The following FKBP9 variants were observed in gnomAD, a reference collection of about 807,000 sequenced individuals.
FKBP9 encodes FKBP prolyl isomerase 9.
A neutral mutation model predicts 55.6 loss-of-function variants in FKBP9; 27 were observed. The observed-to-expected ratio is 0.49, with a 90% CI of 0.36 to 0.67. The LOEUF (loss-of-function observed/expected upper bound fraction) is 0.67. Among genes scored for constraint, FKBP9 ranks in the 30% least tolerant of loss-of-function variants. The pLI is 0.00. For missense variants in FKBP9, 539 were observed against 742.8 expected, an observed-to-expected ratio of 0.73 and a Z score of 3.19; for synonymous variants, 267 against 296.5, an observed-to-expected ratio of 0.90 and a Z score of 1.02.
intron 1 of FKBP9, among the ~76,000 whole-genome samples, chr7:32,964,295 G>A (rs906637173): frequency 3.3e-5 from 5 of 152,142 alleles, no homozygotes; most frequent in African/African-American, 9.7e-5. Flanking sequence ...GTCATTGCGA[G>A]CAATTACACA....
At chr7:32,975,784 C>T (rs901776279) in intron 3 of FKBP9, among the ~76,000 whole-genome samples, 1 of 151,938 alleles carries the variant, frequency 6.6e-6, no homozygotes, top group Non-Finnish European at 1.5e-5. Flanking sequence ...GTAGCTGGGA[C>T]TACAGGCGCA....
chr7:32,982,984 A>ATGTGTC (rs1554286047), intron 5 of FKBP9, among the ~76,000 whole-genome samples: 1 of 142,138 alleles, frequency 7.0e-6, no homozygotes, highest in Non-Finnish European at 1.5e-5. Flanking sequence ...GTCAAAGGTT[A>ATGTGTC]TGTGTGTGTG....
chr7:32,990,406 C>G (rs1784657669), intron 6 of FKBP9, among the ~76,000 whole-genome samples: 1 of 152,154 alleles, frequency 6.6e-6, no homozygotes, highest in Non-Finnish European at 1.5e-5. Context: ...CTAACAATAC[C>G]TTGAATTTAT....
chr7:32,977,870 C>CATATATATATATATATATAT (rs748298046), intron 4 of FKBP9, among the ~76,000 whole-genome samples: 10 of 124,638 alleles, frequency 8.0e-5, no homozygotes, highest in African/African-American at 2.8e-4. Context: ...TATACATGCC[C>CATATATATATATATATATAT]ATATATATAT....
rs775240947 is a variant in FKBP9 at position 33,000,241 on chromosome 7, C to T, written c.1353C>T (p.Gly451=). The stretch of plus-strand genomic sequence containing the variant: ...CAGTGATCATTCCGCCTCACCTGGG[C>T]TATGGGGAAGCTGGCGTGGGTGAGT... The part of the protein sequence containing the change: ...KRTVIIPPHL[G]YGEAGVDGEV... The change falls in exon 8 of 10, where the codon GGC becomes GGT. Residue 451 remains glycine (G), a synonymous_variant. Coordinates refer to ENST00000242209, the MANE Select transcript of FKBP9 (RefSeq NM_007270.5). 4 of 1,611,428 alleles carry T rather than the reference C, an allele frequency of 2.5e-6. No individual in the cohort carries two copies. The highest frequency in any genetic ancestry group is 3.4e-6 in the Non-Finnish European group (4 of 1,178,182).
intron 7 of FKBP9, 110 bp from the exon 8 acceptor site, chr7:33,000,005 T>A: frequency 1.6e-6 from 2 of 1,262,050 alleles, no homozygotes; most frequent in Non-Finnish European, 2.3e-6. Context: ...AGATAGGGAT[T>A]TGCATTTCTT....
chr7:32,980,590 T>G (rs1397547548), intron 5 of FKBP9, 37 bp downstream of exon 5: 1 of 1,603,184 alleles, frequency 6.2e-7, no homozygotes, highest in East Asian at 2.2e-5. Context: ...TGCCAGAACA[T>G]TGTATTAAAT....
At chr7:32,958,774 A>G (rs1783956250) in intron 1 of FKBP9, among the ~76,000 whole-genome samples, 1 of 152,220 alleles carries the variant, frequency 6.6e-6, no homozygotes, top group South Asian at 2.1e-4. Context: ...GCTCTGCCTC[A>G]GGATCACAGC....
chr7:32,993,275 A>G (rs1271005115), intron 6 of FKBP9, among the ~76,000 whole-genome samples: 3 of 152,210 alleles, frequency 2.0e-5, no homozygotes, highest in Non-Finnish European at 4.4e-5. Context: ...GGCATCAAAT[A>G]TATTCACAAT....
chr7:32,999,036 G>C (rs1485034428), intron 7 of FKBP9, among the ~76,000 whole-genome samples: 2 of 152,204 alleles, frequency 1.3e-5, no homozygotes, highest in African/African-American at 4.8e-5. Flanking sequence ...ATAAGACTTT[G>C]CAACTGGAGT....
rs1340320276 is a variant in FKBP9, at chr7:32,979,615, T to C, written c.704-749T>C. On this transcript the variant is annotated intron_variant, in intron 4 of 9. Transcript: ENST00000242209. ...CTGAGGGATTGGTTTGTTGGTTAAC[T>C]TTCTACTATCCCAAATTACTGGATT... 17 of 1,430,544 alleles carry C rather than the reference T, an allele frequency of 1.2e-5. No individual in the cohort carries two copies. In the East Asian group the frequency reaches 3.7e-4, roughly 31 times the overall value. The allele number at this position is 1,430,544 out of a possible 1,614,324, so 88.6% of individuals were successfully genotyped here. A position where few individuals can be genotyped will look rare whatever the true frequency, so the allele number is the denominator to read the frequency against.
At chr7:32,980,154 A>G (rs1784447091) in intron 4 of FKBP9, among the ~76,000 whole-genome samples, 2 of 151,672 alleles carry the variant, frequency 1.3e-5, no homozygotes, top group Admixed American at 6.6e-5. Flanking sequence ...CATTAATACC[A>G]ATTTTCTCCT....
At position 33,000,352 on chromosome 7, in the gene FKBP9, G is replaced by A; in HGVS notation, c.1372+92G>A. The stretch of plus-strand genomic sequence containing the variant: ...GGTGCCATAGTTAGAATCACAGCAT[G>A]CTTCTTACATGTAATACCCAAAGAG... On this transcript the variant is annotated intron_variant, in intron 8 of 9. Coordinates refer to ENST00000242209, the MANE Select transcript of FKBP9 (RefSeq NM_007270.5). The A allele has an allele frequency of 2.1e-6, 3 of 1,418,238 alleles. No individual in the cohort carries two copies. In the South Asian group the frequency reaches 3.9e-5, roughly 18 times the overall value. The allele number at this position is 1,418,238 out of a possible 1,614,324, so 87.9% of individuals were successfully genotyped here.
intron 6 of FKBP9, 124 bp downstream of exon 6, chr7:32,988,776 G>A (rs1784625983): frequency 5.4e-6 from 5 of 921,228 alleles, no homozygotes; most frequent in Non-Finnish European, 8.0e-6. Context: ...TGAACAGGCT[G>A]GAAAGTGTAG....
At chr7:32,997,269 G>T (rs1376980004) in intron 7 of FKBP9, among the ~76,000 whole-genome samples, 1 of 152,172 alleles carries the variant, frequency 6.6e-6, no homozygotes, top group Admixed American at 6.5e-5. Flanking sequence ...AGAAGGTTTT[G>T]CCATGTTGCC....
Position 32,990,793 on chromosome 7 carries a change from T to C in FKBP9, c.1039+2141T>C, listed in dbSNP as rs561007854. On this transcript the variant is annotated intron_variant, in intron 6 of 9. Coordinates refer to ENST00000242209, the MANE Select transcript of FKBP9 (RefSeq NM_007270.5). ...GAGGCTGGCCTTGCTGGCTGTACATTTATTTTGTTAGTTCTGTTCTGTTTT... is the reference window on the plus strand; with the variant it reads ...GAGGCTGGCCTTGCTGGCTGTACATCTATTTTGTTAGTTCTGTTCTGTTTT... 3.1e-3 allele frequency among the ~76,000 whole-genome samples: 474 copies of C among 152,368 alleles called. 1 individual carries two copies. Among genetic ancestry groups the C allele is most frequent in the Non-Finnish European group, 5.7e-3 (385 of 68,034 alleles).
At chr7:32,974,240 C>T (rs1031974592) in intron 1 of FKBP9, among the ~76,000 whole-genome samples, 2 of 152,150 alleles carry the variant, frequency 1.3e-5, no homozygotes, top group Non-Finnish European at 2.9e-5. Context: ...TCTCGAACTC[C>T]TAACTTCAAC....
At chr7:32,991,080 TATAAAC>T (rs1784672505) in intron 6 of FKBP9, among the ~76,000 whole-genome samples, 1 of 152,240 alleles carries the variant, frequency 6.6e-6, no homozygotes, top group Non-Finnish European at 1.5e-5. Context: ...TCTAGTCAAA[TATAAAC>T]AGAAACAGAT....
chr7:33,001,817 A>G (rs1274796126), intron 8 of FKBP9: 4 of 152,156 alleles, frequency 2.6e-5, no homozygotes, highest in Admixed American at 6.5e-5. Context: ...TAAAAGTTTT[A>G]CCATTGTATT....
Sources: allele counts gnomAD v4.1 joint callset (sites outside exome capture counted in the v4.1 genomes callset), GRCh38; gene constraint gnomAD v4.1.1; transcripts MANE v1.5; gene names NCBI Gene and HGNC (gene_info 2026-07-23, HGNC 2026-07-21).